Variants in SPECC1 observed in about 807,000 individuals in gnomAD.
SPECC1 encodes the protein cytospin-B.
A neutral mutation model predicts 104.1 loss-of-function variants in SPECC1; 62 were observed. The observed-to-expected ratio is 0.60, with a 90% confidence interval of 0.49 to 0.74. The LOEUF (loss-of-function observed/expected upper bound fraction) is 0.74, where lower values mean the gene tolerates loss of function less well. Among genes scored for constraint, SPECC1 ranks in the 30% least tolerant of loss-of-function variants. The pLI is 0.00. For synonymous variants in SPECC1, 513 were observed against 501.6 expected, an observed-to-expected ratio of 1.02 and a Z score of -0.30; for missense variants, 1,306 against 1,310.5, an observed-to-expected ratio of 1.00 and a Z score of 0.05.
chr17:20,294,808 T>C (rs370660726), intron 12 of SPECC1, among the ~76,000 whole-genome samples: 4 of 152,024 alleles, frequency 2.6e-5, no homozygotes, highest in African/African-American at 9.7e-5. Context: ...GAATAAGATA[T>C]CTTTGAGCCT....
At chr17:20,056,380 C>T (rs3862152) in intron 1 of SPECC1, 101,267 of 189,152 alleles carry the variant, frequency 0.54, 27,890 homozygotes, top group Middle Eastern at 0.65. Context: ...CCTAGCTAAC[C>T]GCAGCAAGGA....
chr17:20,217,514 G>C (rs1431268654), intron 4 of SPECC1, among the ~76,000 whole-genome samples: 2 of 152,028 alleles, frequency 1.3e-5, no homozygotes, highest in Non-Finnish European at 2.9e-5. Flanking sequence ...AGGCTGCCTC[G>C]TTACATCCTC....
intron 1 of SPECC1, among the ~76,000 whole-genome samples, chr17:20,070,748 T>C (rs2046518775): frequency 6.6e-6 from 1 of 152,162 alleles, no homozygotes. Context: ...TTCCTACAAA[T>C]GGAATAATGG....
At chr17:20,011,526 G>T (rs539991361) in intron 1 of SPECC1, among the ~76,000 whole-genome samples, 16 of 148,180 alleles carry the variant, frequency 1.1e-4, no homozygotes, top group African/African-American at 3.0e-4. Flanking sequence ...CTTTTTTTTT[G>T]ATCAGACTTG....
chr17:20,302,572 C>T (rs58664968), intron 13 of SPECC1, among the ~76,000 whole-genome samples: 11,305 of 151,504 alleles, frequency 0.075, 624 homozygotes, highest in African/African-American at 0.15. Context: ...AAAAAACCAC[C>T]CCCTCTCTGT....
intron 12 of SPECC1, among the ~76,000 whole-genome samples, chr17:20,281,723 G>A (rs2040777690): frequency 6.6e-6 from 1 of 152,212 alleles, no homozygotes; most frequent in Non-Finnish European, 1.5e-5. Context: ...AGCTATGCAT[G>A]ACCATGACCT....
At chr17:20,210,864 C>T (rs927692444) in intron 4 of SPECC1, among the ~76,000 whole-genome samples, 6 of 152,134 alleles carry the variant, frequency 3.9e-5, no homozygotes, top group African/African-American at 9.7e-5. Context: ...CAGGCCTGGC[C>T]GGGCCAGTGA....
intron 14 of SPECC1, among the ~76,000 whole-genome samples, chr17:20,306,495 T>A (rs532839713): frequency 6.6e-6 from 1 of 151,256 alleles, no homozygotes; most frequent in South Asian, 2.1e-4. Context: ...TCGGCAGGGG[T>A]GGGTGGGGGA....
chr17:20,149,820 T>C (rs2031820877), intron 3 of SPECC1, among the ~76,000 whole-genome samples: 1 of 152,226 alleles, frequency 6.6e-6, no homozygotes, highest in Non-Finnish European at 1.5e-5. Flanking sequence ...TCAGTCATTT[T>C]CTAATCTTTA....
chr17:20,225,925 C>T (rs975760211), intron 4 of SPECC1, among the ~76,000 whole-genome samples: 1 of 152,162 alleles, frequency 6.6e-6, no homozygotes, highest in African/African-American at 2.4e-5. Flanking sequence ...TCCCAGTGTT[C>T]ATTCAATCAT....
chr17:20,084,902 A>G (rs1033005780), intron 1 of SPECC1, among the ~76,000 whole-genome samples: 1 of 152,148 alleles, frequency 6.6e-6, no homozygotes, highest in Admixed American at 6.6e-5. Context: ...ACACAGGGAA[A>G]CAGTCTTTGT....
chr17:20,154,545 C>A (rs963713586), intron 3 of SPECC1, among the ~76,000 whole-genome samples: 1 of 152,180 alleles, frequency 6.6e-6, no homozygotes, highest in Non-Finnish European at 1.5e-5. Context: ...GGTGAGTTCA[C>A]TGATGGGGGA....
chr17:20,270,433 CAAAAAAAAAAAAAAAAAAA>C (rs71157863), intron 12 of SPECC1, among the ~76,000 whole-genome samples: 824 of 43,608 alleles, frequency 0.019, 19 homozygotes, highest in Middle Eastern at 0.077. Flanking sequence ...CTGTCTTTAC[CAAAAAAAAAAAAAAAAAAA>C]AAAAAAAAAA....
chr17:20,244,077 T>C (rs1166452083), intron 7 of SPECC1, among the ~76,000 whole-genome samples: 1 of 151,670 alleles, frequency 6.6e-6, no homozygotes, highest in Non-Finnish European at 1.5e-5. Context: ...TACGAAAGAT[T>C]AGCAAAGTGT....
intron 12 of SPECC1, among the ~76,000 whole-genome samples, chr17:20,282,298 C>A (rs1455785762): frequency 2.0e-5 from 3 of 152,190 alleles, no homozygotes; most frequent in African/African-American, 7.2e-5. Context: ...ACACAGCCGT[C>A]CTCTCGCCAT....
intron 1 of SPECC1, among the ~76,000 whole-genome samples, chr17:20,066,032 A>G (rs1041747304): frequency 6.6e-6 from 1 of 152,220 alleles, no homozygotes; most frequent in Non-Finnish European, 1.5e-5. Context: ...CTATCAGTCA[A>G]TCATAACAAC....
chr17:20,140,278 T>C (rs1415635680), intron 3 of SPECC1, among the ~76,000 whole-genome samples: 2 of 152,156 alleles, frequency 1.3e-5, no homozygotes, highest in Non-Finnish European at 2.9e-5. Context: ...TGATTGAAGT[T>C]TTTTTAAACA....
rs552336365 is a variant in SPECC1 at position 20,254,618 on chromosome 17, C to T, written c.2680+1032C>T. On this transcript the variant is annotated intron_variant, in intron 10 of 14. Coordinates refer to ENST00000395527, the MANE Select transcript of SPECC1 (RefSeq NM_001243439.2). Reference sequence around the variant, plus strand: ...TGGGAAGTTAAGGTTGTCCAGAATACGGGGCTTAGAACCTATGTATGTGTC... The same window carrying T: ...TGGGAAGTTAAGGTTGTCCAGAATATGGGGCTTAGAACCTATGTATGTGTC... Among the ~76,000 whole-genome samples the T allele has an allele frequency of 5.9e-5, 9 of 152,148 alleles. No individual in the cohort carries two copies. In the South Asian group the frequency reaches 6.2e-4, roughly 11 times the overall value.
chr17:20,213,035 T>C (rs1007686006), intron 4 of SPECC1, among the ~76,000 whole-genome samples: 1 of 152,206 alleles, frequency 6.6e-6, no homozygotes, highest in Non-Finnish European at 1.5e-5. Flanking sequence ...ATTAGTCTAA[T>C]GGATTGATGA....
Sources: allele counts gnomAD v4.1 joint callset (sites outside exome capture counted in the v4.1 genomes callset), GRCh38; gene constraint gnomAD v4.1.1; transcripts MANE v1.5; gene names NCBI Gene and HGNC (gene_info 2026-07-23, HGNC 2026-07-21).